Variants in GRM5 observed in about 807,000 individuals in gnomAD.
The protein encoded by GRM5 is metabotropic glutamate receptor 5.
GRM5 carries 19 observed loss-of-function variants against 83.1 expected under a neutral mutation model. The ratio of observed to expected loss-of-function variants is 0.23; its 90% CI spans 0.16 to 0.34. The LOEUF (loss-of-function observed/expected upper bound fraction) is 0.34. GRM5 is among the 10% of genes least tolerant of loss of function. The probability of loss-of-function intolerance (pLI) is 1.00; values close to 1 mark genes in which losing one functional copy is unlikely to be tolerated. For missense variants in GRM5, 1,160 were observed against 1,588.3 expected, an observed-to-expected ratio of 0.73 and a Z score of 4.58; for synonymous variants, 675 against 633.6, an observed-to-expected ratio of 1.07 and a Z score of -0.98.
intron 3 of GRM5, among the ~76,000 whole-genome samples, chr11:88,820,907 C>T (rs1274515370): frequency 2.0e-5 from 3 of 152,094 alleles, no homozygotes; most frequent in African/African-American, 7.2e-5. Context: ...AAAAATTATT[C>T]CTGATGAAAG....
chr11:88,899,012 A>G (rs1018210989), intron 2 of GRM5, among the ~76,000 whole-genome samples: 1 of 151,886 alleles, frequency 6.6e-6, no homozygotes, highest in African/African-American at 2.4e-5. Flanking sequence ...TCAAAGGGAT[A>G]TACGTATTTT....
intron 3 of GRM5, among the ~76,000 whole-genome samples, chr11:88,711,576 G>A (rs1440259871): frequency 6.6e-6 from 1 of 152,002 alleles, no homozygotes; most frequent in Non-Finnish European, 1.5e-5. Flanking sequence ...CCTGTACTAA[G>A]CACTTGTTGG....
intron 8 of GRM5, among the ~76,000 whole-genome samples, chr11:88,548,380 CA>C (rs978334823): frequency 6.6e-6 from 1 of 152,088 alleles, no homozygotes; most frequent in African/African-American, 2.4e-5. Flanking sequence ...AACAATTAAT[CA>C]AAAACATTTC....
chr11:88,646,385 G>A (rs938017815), intron 4 of GRM5, among the ~76,000 whole-genome samples: 4 of 151,696 alleles, frequency 2.6e-5, no homozygotes, highest in African/African-American at 7.3e-5. Flanking sequence ...ACATACTGAA[G>A]TCAGGCTCAC....
At chr11:88,791,171 T>C (rs1300199598) in intron 3 of GRM5, among the ~76,000 whole-genome samples, 1 of 152,172 alleles carries the variant, frequency 6.6e-6, no homozygotes, top group Non-Finnish European at 1.5e-5. Flanking sequence ...GAGAAGATTA[T>C]ATCTACTCTC....
intron 5 of GRM5, among the ~76,000 whole-genome samples, chr11:88,598,506 C>T (rs1287183486): frequency 6.6e-6 from 1 of 150,960 alleles, no homozygotes; most frequent in African/African-American, 2.4e-5. Context: ...TGATAATTTT[C>T]CTGCAGTCAG....
intron 2 of GRM5, among the ~76,000 whole-genome samples, chr11:88,922,367 G>T (rs1022544394): frequency 1.7e-4 from 26 of 152,020 alleles, no homozygotes; most frequent in African/African-American, 6.0e-4. Flanking sequence ...CATGGTGATG[G>T]CACAAAAACA....
intron 1 of GRM5, among the ~76,000 whole-genome samples, chr11:89,048,690 G>T (rs761982572): frequency 6.6e-6 from 1 of 152,140 alleles, no homozygotes; most frequent in Non-Finnish European, 1.5e-5. Context: ...AACAAATGAA[G>T]AAAGGTGGGT....
chr11:88,865,368 G>A (rs1046931441), intron 2 of GRM5, among the ~76,000 whole-genome samples: 6 of 152,066 alleles, frequency 3.9e-5, no homozygotes, highest in Non-Finnish European at 7.4e-5. Flanking sequence ...TGCAGAAAAC[G>A]AAAACTGGAT....
intron 2 of GRM5, among the ~76,000 whole-genome samples, chr11:88,880,298 T>A (rs925995335): frequency 6.6e-6 from 1 of 152,100 alleles, no homozygotes; most frequent in African/African-American, 2.4e-5. Flanking sequence ...AGCACATGAA[T>A]AAATAAAATG....
rs1191554263 is a variant in GRM5, at chr11:88,509,143, C to A, written c.3088G>T (p.Gly1030Cys). Reference protein sequence around the residue: ...SPISTLSHRAGSASRTDDDVP... With the variant: ...SPISTLSHRACSASRTDDDVP... ...TCGTCGTCCGTGCGGCTGGCCGAGC[C>A]CGCGCGGTGGCTCAGCGTGCTGATG... The change falls in exon 10 of 10, where the codon GGC (glycine) becomes TGC (cysteine). Residue 1030 changes from glycine to cysteine, a missense_variant. This residue lies in a region of GRM5 where 562 missense variants were observed against 532.4 expected (regional missense o/e 1.06). Coordinates refer to ENST00000305447, the MANE Select transcript of GRM5 (RefSeq NM_001143831.3). 1 of 1,540,480 alleles carries A rather than the reference C, an allele frequency of 6.5e-7. No homozygotes were observed. Among genetic ancestry groups the A allele is most frequent in the Non-Finnish European group, 8.7e-7 (1 of 1,144,270 alleles).
intron 2 of GRM5, among the ~76,000 whole-genome samples, chr11:88,885,982 A>G (rs1304925769): frequency 6.6e-6 from 1 of 152,108 alleles, no homozygotes; most frequent in Non-Finnish European, 1.5e-5. Context: ...TGGAAAGCCT[A>G]TTTGCATAAT....
intron 3 of GRM5, among the ~76,000 whole-genome samples, chr11:88,673,745 C>A (rs762449991): frequency 2.6e-5 from 4 of 151,536 alleles, no homozygotes; most frequent in Non-Finnish European, 5.9e-5. Context: ...ATATCTCAGA[C>A]AGAAAGAGAT....
At chr11:88,646,683 G>T (rs1002738128) in intron 4 of GRM5, among the ~76,000 whole-genome samples, 1 of 151,814 alleles carries the variant, frequency 6.6e-6, no homozygotes, top group Non-Finnish European at 1.5e-5. Flanking sequence ...AAAGGTGAAA[G>T]AAATGGGAAA....
At chr11:88,527,344 A>G (rs1215900217) in intron 8 of GRM5, among the ~76,000 whole-genome samples, 1 of 152,148 alleles carries the variant, frequency 6.6e-6, no homozygotes, top group Non-Finnish European at 1.5e-5. Context: ...TCATGCTTAT[A>G]AGCTCTTCTC....
At chr11:88,510,977 C>T (rs1024594554) in intron 9 of GRM5, among the ~76,000 whole-genome samples, 2 of 152,188 alleles carry the variant, frequency 1.3e-5, no homozygotes, top group African/African-American at 4.8e-5. Context: ...AAGTTGAAGA[C>T]TACAGTTTTA....
chr11:88,602,059 T>C (rs867034279), intron 5 of GRM5, among the ~76,000 whole-genome samples: 1 of 130,972 alleles, frequency 7.6e-6, no homozygotes, highest in African/African-American at 2.8e-5. Flanking sequence ...GTGAAATCTT[T>C]AGAGCTCTGA....
chr11:88,898,660 C>T (rs1393812456), intron 2 of GRM5, among the ~76,000 whole-genome samples: 1 of 151,952 alleles, frequency 6.6e-6, no homozygotes, highest in Non-Finnish European at 1.5e-5. Context: ...CATAAACACA[C>T]AGATTTGTGT....
At chr11:88,706,679 T>G (rs1335355521) in intron 3 of GRM5, among the ~76,000 whole-genome samples, 1 of 152,068 alleles carries the variant, frequency 6.6e-6, no homozygotes, top group African/African-American at 2.4e-5. Flanking sequence ...ATCTACCAAA[T>G]CCTCCCAGAA....
Sources: gnomAD v4.1 joint callset for allele counts (sites outside exome capture counted in the v4.1 genomes callset) on GRCh38, gnomAD v4.1.1 for gene constraint, gnomAD v4.1.1 regional missense constraint, MANE v1.5 for transcripts, NCBI Gene and HGNC (gene_info 2026-07-23, HGNC 2026-07-21) for gene names.